LDB2: variants seen among roughly 807,000 people sequenced by gnomAD.
The protein encoded by LDB2 is LIM domain-binding protein 2.
Under a neutral mutation model 44.3 loss-of-function variants are expected in LDB2, and 12 were observed. That is an observed-to-expected ratio of 0.27 (90% CI 0.17 to 0.44). The LOEUF is 0.44. Among genes scored for constraint, LDB2 ranks in the 20% least tolerant of loss-of-function variants. The probability of loss-of-function intolerance (pLI) is 1.00; values close to 1 mark genes in which losing one functional copy is unlikely to be tolerated. For synonymous variants in LDB2, 164 were observed against 174.8 expected, an observed-to-expected ratio of 0.94 and a Z score of 0.49; for missense variants, 344 against 473.5, an observed-to-expected ratio of 0.73 and a Z score of 2.54.
chr4:16,718,944 C>T (rs1757642481), intron 2 of LDB2, among the ~76,000 whole-genome samples: 1 of 152,112 alleles, frequency 6.6e-6, no homozygotes, highest in Non-Finnish European at 1.5e-5. Flanking sequence ...AGAGATTAAA[C>T]TTTGTTGCCC....
At chr4:16,544,498 C>A (rs1286734768) in intron 5 of LDB2, among the ~76,000 whole-genome samples, 1 of 152,190 alleles carries the variant, frequency 6.6e-6, no homozygotes, top group East Asian at 1.9e-4. Flanking sequence ...ATAAAAGGCT[C>A]AATCTGCCTG....
chr4:16,859,595 G>T (rs773766377), intron 1 of LDB2, among the ~76,000 whole-genome samples: 1 of 152,062 alleles, frequency 6.6e-6, no homozygotes, highest in Non-Finnish European at 1.5e-5. Flanking sequence ...CTATGCTTTC[G>T]GATTCTTTAA....
intron 2 of LDB2, among the ~76,000 whole-genome samples, chr4:16,675,651 T>G (rs770325009): frequency 6.6e-5 from 10 of 152,178 alleles, no homozygotes; most frequent in Non-Finnish European, 8.8e-5. Context: ...TGGTGCTTAT[T>G]ATGTTGGCCT....
intron 5 of LDB2, among the ~76,000 whole-genome samples, chr4:16,550,065 G>A (rs1291549880): frequency 1.3e-5 from 2 of 152,178 alleles, no homozygotes; most frequent in East Asian, 1.9e-4. Flanking sequence ...ATGTCCTGGG[G>A]TGTATACTGG....
At chr4:16,753,885 C>T (rs1765959661) in intron 2 of LDB2, among the ~76,000 whole-genome samples, 1 of 152,186 alleles carries the variant, frequency 6.6e-6, no homozygotes, top group South Asian at 2.1e-4. Flanking sequence ...GGAATCCAAT[C>T]TAATAAGAAC....
chr4:16,647,559 C>G (rs1027424378), intron 2 of LDB2, among the ~76,000 whole-genome samples: 2 of 152,110 alleles, frequency 1.3e-5, no homozygotes, highest in Non-Finnish European at 2.9e-5. Flanking sequence ...GGCAGTGGGT[C>G]CCAAGTTCCA....
chr4:16,534,424 G>C (rs998905717), intron 5 of LDB2, among the ~76,000 whole-genome samples: 1 of 152,118 alleles, frequency 6.6e-6, no homozygotes, highest in African/African-American at 2.4e-5. Context: ...ACCCCGAGCT[G>C]GCCTTGCAGG....
At chr4:16,567,599 T>C (rs1354710038) in intron 5 of LDB2, among the ~76,000 whole-genome samples, 1 of 152,058 alleles carries the variant, frequency 6.6e-6, no homozygotes, top group Non-Finnish European at 1.5e-5. Context: ...TGAAACCCTG[T>C]CTCTACTAGA....
intron 5 of LDB2, among the ~76,000 whole-genome samples, chr4:16,527,425 A>T (rs971415767): frequency 2.0e-5 from 3 of 152,238 alleles, no homozygotes; most frequent in Non-Finnish European, 2.9e-5. Context: ...AAATAAAAAA[A>T]AAATAGATGT....
chr4:16,699,910 G>A (rs55890541), intron 2 of LDB2, among the ~76,000 whole-genome samples: 233 of 152,240 alleles, frequency 1.5e-3, no homozygotes, highest in African/African-American at 5.3e-3. Flanking sequence ...GCCAGATTTA[G>A]CAAATAAAAA....
intron 1 of LDB2, among the ~76,000 whole-genome samples, chr4:16,768,626 CATTT>C (rs1289333491): frequency 2.0e-5 from 3 of 152,162 alleles, no homozygotes; most frequent in Non-Finnish European, 4.4e-5. Context: ...AAGCTCAGGT[CATTT>C]GTTTTCCAAG....
chr4:16,693,433 G>A (rs62298946), intron 2 of LDB2, among the ~76,000 whole-genome samples: 39,737 of 143,442 alleles, frequency 0.28, 5,607 homozygotes, highest in Non-Finnish European at 0.34. Context: ...GCGGCTCACC[G>A]CAACCTCCGC....
intron 2 of LDB2, among the ~76,000 whole-genome samples, chr4:16,649,225 G>T (rs954383173): frequency 6.6e-6 from 1 of 152,132 alleles, no homozygotes; most frequent in Non-Finnish European, 1.5e-5. Context: ...AGTAAGAACT[G>T]CAGGTCTTGC....
chr4:16,728,846 T>C (rs1351950260), intron 2 of LDB2, among the ~76,000 whole-genome samples: 1 of 142,450 alleles, frequency 7.0e-6, no homozygotes. Context: ...ACAGTAATAA[T>C]CTCACTAAAA....
intron 2 of LDB2, among the ~76,000 whole-genome samples, chr4:16,753,339 G>A (rs192772786): frequency 3.9e-5 from 6 of 152,080 alleles, no homozygotes; most frequent in South Asian, 4.1e-4. Flanking sequence ...AACCTACTTG[G>A]GCCCCTTGCA....
Position 16,523,165 on chromosome 4 carries a change from G to T in LDB2, c.616-11061C>A, listed in dbSNP as rs1726909394. Among the ~76,000 whole-genome samples the T allele has an allele frequency of 2.0e-5, 3 of 152,148 alleles. No individual in the cohort carries two copies. The South Asian group carries it at 6.2e-4, about 32-fold the overall frequency. ...TATTTATTTTAAGAAATTGGCTCAT[G>T]TGATTTTATGGGTTACCAAGTCCCA... On this transcript the variant is annotated intron_variant, in intron 5 of 7. Transcript: ENST00000304523.
At chr4:16,857,854 A>G (rs1456901646) in intron 1 of LDB2, among the ~76,000 whole-genome samples, 1 of 152,092 alleles carries the variant, frequency 6.6e-6, no homozygotes, top group East Asian at 1.9e-4. Flanking sequence ...TAGGCTCTTC[A>G]TATCACATAC....
chr4:16,520,021 C>T (rs185377707), intron 5 of LDB2, among the ~76,000 whole-genome samples: 156 of 152,102 alleles, frequency 1.0e-3, no homozygotes, highest in Non-Finnish European at 1.6e-3. Context: ...AGTAATCAGG[C>T]CAATGGCACA....
chr4:16,883,845 G>A (rs1341008516), intron 1 of LDB2, among the ~76,000 whole-genome samples: 1 of 152,044 alleles, frequency 6.6e-6, no homozygotes, highest in Non-Finnish European at 1.5e-5. Flanking sequence ...CCTCAAGGAT[G>A]GGCAAATAAA....
Sources: allele counts gnomAD v4.1 joint callset (sites outside exome capture counted in the v4.1 genomes callset), GRCh38; gene constraint gnomAD v4.1.1; transcripts MANE v1.5; gene names NCBI Gene and HGNC (gene_info 2026-07-23, HGNC 2026-07-21).